The following COL8A2 variants were observed in gnomAD, a reference collection of about 807,000 sequenced individuals.
COL8A2 encodes collagen type VIII alpha 2 chain.
Under a neutral mutation model 24.0 loss-of-function variants are expected in COL8A2, and 16 were observed. That is an observed-to-expected ratio of 0.67 (90% confidence interval 0.45 to 1.01). COL8A2 has a LOEUF of 1.01. Among genes scored for constraint, COL8A2 ranks in the 50% least tolerant of loss-of-function variants. The pLI is 0.00. For missense variants in COL8A2, 818 were observed against 942.4 expected, an observed-to-expected ratio of 0.87 and a Z score of 1.73; for synonymous variants, 466 against 424.5, an observed-to-expected ratio of 1.10 and a Z score of -1.20.
At chr1:36,111,507 C>T (rs1643839759) in intron 2 of COL8A2, among the ~76,000 whole-genome samples, 1 of 152,038 alleles carries the variant, frequency 6.6e-6, no homozygotes. Flanking sequence ...ACTCCATCAC[C>T]GAGGACTCCC....
chr1:36,106,179 ACT>A (rs1345966461), intron 2 of COL8A2, among the ~76,000 whole-genome samples: 1 of 151,818 alleles, frequency 6.6e-6, no homozygotes, highest in African/African-American at 2.4e-5. Flanking sequence ...CTGGAGAATC[ACT>A]GGAATCCAGG....
At chr1:36,105,507 T>C (rs1216043473) in intron 2 of COL8A2, among the ~76,000 whole-genome samples, 1 of 152,218 alleles carries the variant, frequency 6.6e-6, no homozygotes, top group Non-Finnish European at 1.5e-5. Context: ...CTCACCTTGC[T>C]CTGATTGATG....
At chr1:36,099,989 GAGGC>G in intron 3 of COL8A2, 57 bp downstream of exon 3, 1 of 1,509,858 alleles carries the variant, frequency 6.6e-7, no homozygotes, top group Non-Finnish European at 9.2e-7. Context: ...GGCTCTCAGG[GAGGC>G]AGGGGATTTG....
chr1:36,100,363 A>G (rs957407670), intron 2 of COL8A2, 105 bp from the exon 3 acceptor site: 9 of 1,035,970 alleles, frequency 8.7e-6, no homozygotes, highest in Admixed American at 2.2e-5. Context: ...TGGAGATTTC[A>G]GTCAAAAGGC....
At position 36,099,329 on chromosome 1, in the gene COL8A2, C is replaced by A. The variant is rs1298812280; in HGVS notation, c.352G>T (p.Gly118Cys). The A allele has an allele frequency of 6.3e-7, 1 of 1,583,292 alleles. No individual in the cohort carries two copies. Among genetic ancestry groups the A allele is most frequent in the Non-Finnish European group, 8.6e-7 (1 of 1,167,032 alleles). ...CCAGCCTTGCCCATCCGGGAGAAGC[C>A]AGGGGGCCCAGCAGGGCCAGGCTGC... ...HGQPGPAGPP[G>C]FSRMGKAGPP... The change falls in exon 4 of 4, where the codon GGC (glycine) becomes TGC (cysteine). Residue 118 changes from glycine to cysteine, a missense_variant. Coordinates refer to ENST00000397799, the MANE Select transcript of COL8A2 (RefSeq NM_005202.4).
At position 36,097,497 on chromosome 1, in the gene COL8A2, T is replaced by G. The variant is rs906936260; in HGVS notation, c.*72A>C. 3.2e-6 allele frequency: 4 copies of G among 1,251,608 alleles called. No individual in the cohort carries two copies. Among genetic ancestry groups the G allele is most frequent in the African/African-American group, 3.0e-5 (2 of 66,140 alleles). The allele number at this position is 1,251,608 out of a possible 1,614,324, so 77.5% of individuals were successfully genotyped here. The stretch of plus-strand genomic sequence containing the variant: ...AGCTTTTGTTTTTTTTTCCAGGAGG[T>G]TCTTTGTAATTGAAAAGGTCGCTCT... On this transcript the variant is annotated 3_prime_UTR_variant, in exon 4 of 4. Transcript: ENST00000397799.
Position 36,097,671 on chromosome 1 carries a change from G to A in COL8A2, c.2010C>T (p.Asn670=), listed in dbSNP as rs146313416. The part of the protein sequence containing the change: ...SGGAVLQLRP[N]DQVWVQMPSD... ...ACGGCATCTGCACCCAGACCTGGTC[G>A]TTGGGCCGCAGCTGGAGCACGGCCC... The change falls in exon 4 of 4, where the codon AAC becomes AAT. Residue 670 remains asparagine, a synonymous_variant. Transcript: ENST00000397799. 71 of 1,613,508 alleles carry A rather than the reference G, an allele frequency of 4.4e-5. No homozygotes were observed. Among genetic ancestry groups the A allele is most frequent in the Middle Eastern group, 3.3e-4 (2 of 6,084 alleles).
chr1:36,096,958 C>G lies in COL8A2; in HGVS notation c.*611G>C, dbSNP rs1643576489. The G allele has an allele frequency of 6.5e-6, 1 of 153,314 alleles. No individual in the cohort carries two copies. The highest frequency in any genetic ancestry group is 1.5e-5 in the Non-Finnish European group (1 of 68,852). The allele number at this position is 153,314 out of a possible 1,614,324, so 9.5% of individuals were successfully genotyped here. A position where few individuals can be genotyped will look rare whatever the true frequency, so the allele number is the denominator to read the frequency against. The stretch of plus-strand genomic sequence containing the variant: ...CTGGAGCAGTGAAAGGGAGGTTGCC[C>G]TTTCCCAGGGCAACAGGCACTGTGC... On this transcript the variant is annotated 3_prime_UTR_variant, in exon 4 of 4. Transcript: ENST00000397799.
chr1:36,125,103 C>T lies in COL8A2; in HGVS notation c.-108G>A. The T allele has an allele frequency of 3.1e-6, 3 of 975,324 alleles. No individual in the cohort carries two copies. Among genetic ancestry groups the T allele is most frequent in the South Asian group, 9.5e-5 (2 of 21,148 alleles). 60.4% of individuals were successfully genotyped at this position (975,324 alleles called of 1,614,324 possible). ...GCCGCTCCCGGCCCTCGAGGGCGGC[C>T]CGGGCGGCGAGGGCTCCGGGCAGGG... On this transcript the variant is annotated 5_prime_UTR_variant, in exon 1 of 4. Coordinates refer to ENST00000397799, the MANE Select transcript of COL8A2 (RefSeq NM_005202.4). The surrounding 1 kb of genome is among the most constrained non-coding windows in gnomAD (Gnocchi z 4.5).
intron 2 of COL8A2, among the ~76,000 whole-genome samples, chr1:36,114,943 C>G (rs889375507): frequency 1.3e-5 from 2 of 152,184 alleles, no homozygotes; most frequent in African/African-American, 4.8e-5. Flanking sequence ...AGTCTAGGTT[C>G]TCCGCTGCTT....
chr1:36,121,515 G>A (rs1293248306), intron 1 of COL8A2, among the ~76,000 whole-genome samples: 2 of 151,214 alleles, frequency 1.3e-5, no homozygotes, highest in African/African-American at 4.9e-5. Context: ...GAGGTCAGGT[G>A]TGCAAGAGCA....
intron 2 of COL8A2, among the ~76,000 whole-genome samples, chr1:36,103,529 T>C (rs1643710194): frequency 6.6e-6 from 1 of 152,180 alleles, no homozygotes; most frequent in Admixed American, 6.5e-5. Context: ...CACCTCGGCC[T>C]CCCAAAGTAC....
At chr1:36,100,930 C>CTTTT (rs1643671156) in intron 2 of COL8A2, among the ~76,000 whole-genome samples, 1 of 107,086 alleles carries the variant, frequency 9.3e-6, no homozygotes, top group African/African-American at 3.9e-5. Flanking sequence ...GACAGTTTTG[C>CTTTT]TCGCCCAGTG....
In COL8A2 at chr1:36,115,773, C is replaced by T; in HGVS notation, c.-61-21G>A. 1 of 985,264 alleles carries T rather than the reference C, an allele frequency of 1.0e-6. No individual in the cohort carries two copies. The allele number at this position is 985,264 out of a possible 1,614,324, so 61.0% of individuals were successfully genotyped here. A position where few individuals can be genotyped will look rare whatever the true frequency, so the allele number is the denominator to read the frequency against. On this transcript the variant is annotated intron_variant, in intron 1 of 3. Coordinates refer to ENST00000397799, the MANE Select transcript of COL8A2 (RefSeq NM_005202.4). The surrounding 1 kb of genome is among the most constrained non-coding windows in gnomAD (Gnocchi z 5.7). The stretch of plus-strand genomic sequence containing the variant: ...AGGGCCTGAGGATGAACAAGAGAAA[C>T]AGTGAGGCTATGGGGCAGTGGCTCA...
At chr1:36,107,723 C>T (rs548745338) in intron 2 of COL8A2, among the ~76,000 whole-genome samples, 1 of 152,206 alleles carries the variant, frequency 6.6e-6, no homozygotes, top group East Asian at 1.9e-4. Flanking sequence ...TTGCCCCCAC[C>T]CCAGCACCAT....
intron 2 of COL8A2, among the ~76,000 whole-genome samples, chr1:36,106,899 T>C (rs1406822974): frequency 6.6e-6 from 1 of 152,106 alleles, no homozygotes; most frequent in African/African-American, 2.4e-5. Flanking sequence ...TGAGGTCAGG[T>C]CTGATGCCAG....
chr1:36,108,567 G>A (rs563559992), intron 2 of COL8A2, among the ~76,000 whole-genome samples: 10 of 152,310 alleles, frequency 6.6e-5, no homozygotes, highest in Admixed American at 5.2e-4. Context: ...AGTCCTTAAC[G>A]GGGATTTCCC....
At position 36,098,668 on chromosome 1, in the gene COL8A2, T is replaced by A. The variant is rs1320276513; in HGVS notation, c.1013A>T (p.Asp338Val). 1 of 1,609,498 alleles carries A rather than the reference T, an allele frequency of 6.2e-7. No homozygotes were observed. Among genetic ancestry groups the A allele is most frequent in the East Asian group, 2.2e-5 (1 of 44,682 alleles). The change falls in exon 4 of 4, where the codon GAC becomes GTC. Residue 338 changes from aspartate (D) to valine (V), a missense_variant. Physicochemically the swap from Asp to Val is radical, Grantham distance 152. Coordinates refer to ENST00000397799, the MANE Select transcript of COL8A2 (RefSeq NM_005202.4). ...CCCATCCTCCCCTGGCTCACCCCTG[T>A]CCCCCAAGAGTCCTGGGACCCCAGC... is the stretch of plus-strand genomic sequence containing the variant. ...GPAGVPGLLG[D>V]RGEPGEDGEP... is the part of the protein sequence containing the mutation.
At chr1:36,117,850 C>T (rs199697137) in intron 1 of COL8A2, among the ~76,000 whole-genome samples, 1 of 144,630 alleles carries the variant, frequency 6.9e-6, no homozygotes, top group East Asian at 2.4e-4. Flanking sequence ...CATAGTGATA[C>T]CCCCATCTCT....
Sources: gnomAD v4.1 joint callset for allele counts (sites outside exome capture counted in the v4.1 genomes callset) on GRCh38, gnomAD v4.1.1 for gene constraint, Gnocchi (gnomAD v3.1) non-coding constraint, MANE v1.5 for transcripts, NCBI Gene and HGNC (gene_info 2026-07-23, HGNC 2026-07-21) for gene names.